The following JAZF1 variants were observed in gnomAD, a reference collection of about 807,000 sequenced individuals.
JAZF1 encodes the protein JAZF zinc finger 1.
Under a neutral mutation model 26.4 loss-of-function variants are expected in JAZF1, and 8 were observed. That is an observed-to-expected ratio of 0.30 (90% CI 0.18 to 0.55). The LOEUF is 0.55. Ranked by LOEUF, JAZF1 falls within the 20% of genes least tolerant of loss-of-function variation. JAZF1 has a pLI of 0.94. For synonymous variants in JAZF1, 126 were observed against 122.3 expected (o/e 1.03, Z -0.20); for missense variants, 199 against 322.0 (o/e 0.62, Z 2.92).
At chr7:27,908,076 T>C (rs1416532756) in intron 2 of JAZF1, among the ~76,000 whole-genome samples, 1 of 152,224 alleles carries the variant, frequency 6.6e-6, no homozygotes, top group East Asian at 1.9e-4. Flanking sequence ...GCTGGCAGAC[T>C]GTAATATCTG....
At chr7:28,113,278 G>A (rs1251303092) in intron 1 of JAZF1, among the ~76,000 whole-genome samples, 1 of 152,174 alleles carries the variant, frequency 6.6e-6, no homozygotes, top group Non-Finnish European at 1.5e-5. Flanking sequence ...ACAGGACCAA[G>A]GAGGCAGAGT....
At chr7:27,974,560 A>G (rs1473682450) in intron 2 of JAZF1, among the ~76,000 whole-genome samples, 9 of 152,168 alleles carry the variant, frequency 5.9e-5, no homozygotes, top group African/African-American at 2.2e-4. Context: ...GGTTGGAAAG[A>G]TTGCATTTGA....
rs752768398 is a variant in JAZF1 at position 28,180,629 on chromosome 7, C to CGAGG, written c.-56_-53dup. The CGAGG allele has an allele frequency of 1.3e-5, 12 of 929,392 alleles. No individual in the cohort carries two copies. In the South Asian group the frequency reaches 1.7e-4, roughly 13 times the overall value. 57.6% of individuals were successfully genotyped at this position (929,392 alleles called of 1,614,324 possible). On this transcript the variant is annotated 5_prime_UTR_variant, in exon 1 of 5. Transcript: ENST00000283928. Reference sequence around the variant, plus strand: ...GTCGGCTCTGCGAGCGCCGGGCGGGCGAGGGAGGGAGGGAGGCCGGGTGGG... The same window carrying CGAGG: ...GTCGGCTCTGCGAGCGCCGGGCGGGCGAGGGAGGGAGGGAGGGAGGCCGGGTGGG...
intron 2 of JAZF1, among the ~76,000 whole-genome samples, chr7:27,946,776 C>A (rs1231493596): frequency 1.3e-5 from 2 of 152,174 alleles, no homozygotes; most frequent in African/African-American, 4.8e-5. Context: ...CAGATTTATA[C>A]ACAGAGATTT....
chr7:28,009,254 G>T (rs1330828672), intron 1 of JAZF1, among the ~76,000 whole-genome samples: 2 of 150,718 alleles, frequency 1.3e-5, no homozygotes, highest in African/African-American at 4.9e-5. Context: ...AAAAAAAAAA[G>T]GTAGTTGCTG....
At chr7:28,138,529 T>C (rs1782918841) in intron 1 of JAZF1, among the ~76,000 whole-genome samples, 1 of 152,346 alleles carries the variant, frequency 6.6e-6, no homozygotes, top group East Asian at 1.9e-4. Flanking sequence ...TGTTCACCTG[T>C]TGCCAGCTTC....
chr7:27,839,165 T>G (rs920947990), intron 4 of JAZF1, among the ~76,000 whole-genome samples: 2 of 152,110 alleles, frequency 1.3e-5, no homozygotes, highest in African/African-American at 4.8e-5. Flanking sequence ...GGGCGTAGCT[T>G]GTATTTCCTT....
intron 2 of JAZF1, among the ~76,000 whole-genome samples, chr7:27,935,858 C>G (rs955321076): frequency 2.0e-5 from 3 of 152,120 alleles, no homozygotes; most frequent in Non-Finnish European, 2.9e-5. Flanking sequence ...GAAACAATGA[C>G]AAGTTGGTGA....
chr7:28,000,141 A>G (rs11770282), intron 1 of JAZF1, among the ~76,000 whole-genome samples: 82,440 of 151,658 alleles, frequency 0.54, 22,475 homozygotes, highest in East Asian at 0.72. Context: ...TAGTTGCAGT[A>G]TTAGTATTAG....
chr7:27,994,461 AC>A (rs369732079), intron 1 of JAZF1, among the ~76,000 whole-genome samples: 75 of 34,306 alleles, frequency 2.2e-3, no homozygotes, highest in African/African-American at 6.6e-3. Flanking sequence ...AAAACAAAAA[AC>A]AAAAAAAAAC....
chr7:27,884,951 G>A (rs922093638), intron 3 of JAZF1, among the ~76,000 whole-genome samples: 3 of 152,152 alleles, frequency 2.0e-5, no homozygotes, highest in Non-Finnish European at 2.9e-5. Flanking sequence ...TCTGCCGGGC[G>A]GAGGGATAAT....
At chr7:27,933,229 T>C (rs904596811) in intron 2 of JAZF1, among the ~76,000 whole-genome samples, 1 of 152,236 alleles carries the variant, frequency 6.6e-6, no homozygotes. Context: ...TCTAAATGGA[T>C]ATATGATGTG....
chr7:27,905,241 G>C (rs1784232636), intron 2 of JAZF1, among the ~76,000 whole-genome samples: 1 of 152,178 alleles, frequency 6.6e-6, no homozygotes, highest in South Asian at 2.1e-4. Context: ...TAGGATTACA[G>C]GCATGAGCTA....
At chr7:28,023,977 A>G (rs1394583034) in intron 1 of JAZF1, among the ~76,000 whole-genome samples, 1 of 152,146 alleles carries the variant, frequency 6.6e-6, no homozygotes, top group African/African-American at 2.4e-5. Context: ...GCAGAAAGTC[A>G]GGAGCGGCAG....
At chr7:28,121,363 C>T (rs998646232) in intron 1 of JAZF1, among the ~76,000 whole-genome samples, 10 of 152,140 alleles carry the variant, frequency 6.6e-5, no homozygotes, top group Non-Finnish European at 1.0e-4. Context: ...TTAAAAGGAT[C>T]TACAAGCGCA....
chr7:28,109,821 G>A (rs532619016), intron 1 of JAZF1, among the ~76,000 whole-genome samples: 6 of 152,230 alleles, frequency 3.9e-5, no homozygotes, highest in Admixed American at 6.5e-5. Flanking sequence ...CTCATCTCCC[G>A]AAGGCCAAAC....
intron 1 of JAZF1, among the ~76,000 whole-genome samples, chr7:28,011,564 T>C (rs919575038): frequency 6.6e-6 from 1 of 152,190 alleles, no homozygotes. Flanking sequence ...ATTTACGTCA[T>C]CTTTGACCCT....
chr7:27,950,934 C>A (rs180888144), intron 2 of JAZF1, among the ~76,000 whole-genome samples: 1 of 152,218 alleles, frequency 6.6e-6, no homozygotes, highest in Admixed American at 6.5e-5. Flanking sequence ...GGCACAACTC[C>A]TGCATACAAG....
intron 1 of JAZF1, among the ~76,000 whole-genome samples, chr7:28,071,055 G>GAT (rs762372677): frequency 1.6e-4 from 24 of 152,316 alleles, no homozygotes; most frequent in Middle Eastern, 6.8e-3. Flanking sequence ...GTGAAGGTAA[G>GAT]ATAAACAGAG....
Sources: allele counts gnomAD v4.1 joint callset (sites outside exome capture counted in the v4.1 genomes callset), GRCh38; gene constraint gnomAD v4.1.1; transcripts MANE v1.5; gene names NCBI Gene and HGNC (gene_info 2026-07-23, HGNC 2026-07-21).